FARP2: variants seen among roughly 807,000 people sequenced by gnomAD.
FARP2 encodes the protein FERM, ARH/RhoGEF and pleckstrin domain protein 2, also known as FERM, ARHGEF and pleckstrin domain-containing protein 2.
A neutral mutation model predicts 130.5 loss-of-function variants in FARP2; 111 were observed. The ratio of observed to expected loss-of-function variants is 0.85; its 90% CI spans 0.73 to 1.00. The LOEUF (loss-of-function observed/expected upper bound fraction) is 1.00. FARP2 is among the 50% of genes least tolerant of loss of function. FARP2 has a pLI of 0.00. For synonymous variants in FARP2, 504 were observed against 516.9 expected, an observed-to-expected ratio of 0.98 and a Z score of 0.34; for missense variants, 1,385 against 1,346.3, an observed-to-expected ratio of 1.03 and a Z score of -0.45.
intron 14 of FARP2, among the ~76,000 whole-genome samples, chr2:241,461,554 C>T (rs914400173): frequency 1.3e-5 from 2 of 152,236 alleles, no homozygotes; most frequent in Non-Finnish European, 2.9e-5. Flanking sequence ...CTGTGTCCCC[C>T]AGCCTCCAGC....
At chr2:241,427,040 G>C (rs1426258015) in intron 8 of FARP2, among the ~76,000 whole-genome samples, 1 of 152,130 alleles carries the variant, frequency 6.6e-6, no homozygotes, top group Non-Finnish European at 1.5e-5. Flanking sequence ...TTCGAGACCA[G>C]CCTGGCCAAC....
At chr2:241,360,560 G>A (rs1157985009) in intron 1 of FARP2, among the ~76,000 whole-genome samples, 2 of 151,824 alleles carry the variant, frequency 1.3e-5, no homozygotes, top group African/African-American at 4.8e-5. Context: ...TGTATTCCCA[G>A]CTTCTCAGGA....
At chr2:241,358,182 C>CT (rs2061109257) in intron 1 of FARP2, among the ~76,000 whole-genome samples, 1 of 152,092 alleles carries the variant, frequency 6.6e-6, no homozygotes, top group Non-Finnish European at 1.5e-5. Context: ...GAGCGAGACT[C>CT]TGTCTCAAAA....
intron 9 of FARP2, among the ~76,000 whole-genome samples, chr2:241,432,711 A>AG (rs1559763858): frequency 2.0e-5 from 3 of 152,378 alleles, no homozygotes; most frequent in Admixed American, 2.0e-4. Context: ...ATGCCTGTGC[A>AG]GTGTATTTGG....
intron 22 of FARP2, 82 bp from the exon 23 acceptor site, chr2:241,490,979 C>T (rs1001082165): frequency 2.9e-6 from 3 of 1,030,492 alleles, no homozygotes; most frequent in East Asian, 2.4e-5. Context: ...GAACAGGTGC[C>T]CTGACGGCTC....
chr2:241,456,759 A>G lies in FARP2; in HGVS notation c.1424A>G (p.Lys475Arg). 1 of 1,614,022 alleles carries G rather than the reference A, an allele frequency of 6.2e-7. No homozygotes were observed. Among genetic ancestry groups the G allele is most frequent in the Non-Finnish European group, 8.5e-7 (1 of 1,179,970 alleles). ...CGTTCATTTCCAGGCCTTTCCACGAAGAGTCCTCAGCCTTCTCCCTCCAGC... is the reference window on the plus strand; with the variant it reads ...CGTTCATTTCCAGGCCTTTCCACGAGGAGTCCTCAGCCTTCTCCCTCCAGC... The part of the protein sequence containing the change: ...ALQPGPGLST[K>R]SPQPSPSSRK... The change falls in exon 14 of 27, where the codon AAG becomes AGG. Residue 475 changes from lysine (K) to arginine (R), a missense_variant. Transcript: ENST00000264042.
chr2:241,391,760 T>C (rs1326952787), intron 2 of FARP2, among the ~76,000 whole-genome samples: 1 of 152,142 alleles, frequency 6.6e-6, no homozygotes, highest in African/African-American at 2.4e-5. Flanking sequence ...TGGATTTGGC[T>C]TTTTTTCTCC....
At chr2:241,427,698 G>A (rs1574803364) in intron 8 of FARP2, among the ~76,000 whole-genome samples, 1 of 152,082 alleles carries the variant, frequency 6.6e-6, no homozygotes, top group Admixed American at 6.6e-5. Context: ...GTTATTTGGG[G>A]GCCTCTGAGC....
In FARP2 at chr2:241,491,102, C is replaced by G; in HGVS notation, c.2546C>G (p.Ser849Cys). 2 of 1,613,518 alleles carry G rather than the reference C, an allele frequency of 1.2e-6. No individual in the cohort carries two copies. The highest frequency in any genetic ancestry group is 1.7e-6 in the Non-Finnish European group (2 of 1,179,992). The change falls in exon 23 of 27, where the codon TCC becomes TGC. Residue 849 changes from serine (S) to cysteine (C), a missense_variant. By Grantham distance (112) the Ser-to-Cys change is moderately radical. Transcript: ENST00000264042. ...EKEKWMLDLN[S>C]AIQAAKSGGD... ...GAGAAGTGGATGCTGGACCTGAACT[C>G]CGCGATCCAAGCAGCCAAGAGTGGC... is the stretch of plus-strand genomic sequence containing the variant.
At chr2:241,359,241 C>A (rs1053454734) in intron 1 of FARP2, among the ~76,000 whole-genome samples, 1 of 152,168 alleles carries the variant, frequency 6.6e-6, no homozygotes, top group African/African-American at 2.4e-5. Flanking sequence ...TTCCCCTAAA[C>A]TGGTGTTTTA....
At position 241,356,309 on chromosome 2, in the gene FARP2, C is replaced by T. The variant is rs982788395; in HGVS notation, c.-104C>T. 2 of 152,366 alleles carry T rather than the reference C, an allele frequency of 1.3e-5. No individual in the cohort carries two copies. Among genetic ancestry groups the T allele is most frequent in the African/African-American group, 4.8e-5 (2 of 41,412 alleles). 9.4% of individuals were successfully genotyped at this position (152,366 alleles called of 1,614,324 possible). A position where few individuals can be genotyped will look rare whatever the true frequency, so the allele number is the denominator to read the frequency against. On this transcript the variant is annotated 5_prime_UTR_variant, in exon 1 of 27. Coordinates refer to ENST00000264042, the MANE Select transcript of FARP2 (RefSeq NM_014808.4). ...CAGTTGGGAGCAGGCGACGCCGACG[C>T]GAGTCTGGCGGCTGCTGCTTGCGAC... is the stretch of plus-strand genomic sequence containing the variant.
intron 26 of FARP2, chr2:241,493,682 C>T (rs1310239859): frequency 5.4e-6 from 3 of 551,194 alleles, no homozygotes; most frequent in Admixed American, 3.1e-5. Context: ...ATAACCTGCA[C>T]CTCCAGGGTT....
In FARP2 at chr2:241,427,317, C is replaced by T. The variant is rs560931293; in HGVS notation, c.772-4362C>T. Among the ~76,000 whole-genome samples, 135 of 152,148 alleles carry T rather than the reference C, an allele frequency of 8.9e-4. 1 individual carries two copies. Among genetic ancestry groups the T allele is most frequent in the African/African-American group, 2.9e-3 (121 of 41,526 alleles). ...AACACAGTACAGTAAAACTATGTGA[C>T]GTTTACATTGTATTAGGTACATAAG... On this transcript the variant is annotated intron_variant, in intron 8 of 26. Transcript: ENST00000264042.
intron 2 of FARP2, among the ~76,000 whole-genome samples, chr2:241,390,713 A>G (rs944753142): frequency 9.2e-5 from 14 of 151,418 alleles, no homozygotes; most frequent in African/African-American, 3.4e-4. Context: ...ATTAATTTTT[A>G]TACAAAGGCA....
At chr2:241,473,632 C>T (rs1574894258) in intron 18 of FARP2, among the ~76,000 whole-genome samples, 1 of 152,180 alleles carries the variant, frequency 6.6e-6, no homozygotes, top group Non-Finnish European at 1.5e-5. Context: ...CATTTGAGGG[C>T]AGGGTGGCAC....
chr2:241,366,135 A>ACG (rs2061314109), intron 1 of FARP2, among the ~76,000 whole-genome samples: 21 of 140,772 alleles, frequency 1.5e-4, no homozygotes, highest in East Asian at 1.0e-3. Context: ...ATATATATAT[A>ACG]TATACACACA....
At chr2:241,481,674 T>G (rs1019808467) in intron 19 of FARP2, among the ~76,000 whole-genome samples, 14 of 152,210 alleles carry the variant, frequency 9.2e-5, no homozygotes, top group Non-Finnish European at 1.5e-5. Context: ...TTATTTCTCC[T>G]AGTAACCTCT....
At chr2:241,369,727 C>T (rs2061385017) in intron 1 of FARP2, among the ~76,000 whole-genome samples, 2 of 152,144 alleles carry the variant, frequency 1.3e-5, no homozygotes, top group South Asian at 4.1e-4. Flanking sequence ...TGTAGCATTA[C>T]TTAAGGGAAA....
Position 241,413,298 on chromosome 2 carries a change from C to T in FARP2, c.509-9C>T. On this transcript the variant is annotated splice_polypyrimidine_tract_variant and intron_variant, in intron 6 of 26. Coordinates refer to ENST00000264042, the MANE Select transcript of FARP2 (RefSeq NM_014808.4). ...TAAAAATTAGTTACTTACTTTTAACCTATCTCAGCGGAAATAGGAGATTAC... is the reference window on the plus strand; with the variant it reads ...TAAAAATTAGTTACTTACTTTTAACTTATCTCAGCGGAAATAGGAGATTAC... 6.4e-7 allele frequency: 1 copy of T among 1,567,778 alleles called. No individual in the cohort carries two copies. The highest frequency in any genetic ancestry group is 8.7e-7 in the Non-Finnish European group (1 of 1,146,246).
Sources: allele counts gnomAD v4.1 joint callset (sites outside exome capture counted in the v4.1 genomes callset), GRCh38; gene constraint gnomAD v4.1.1; transcripts MANE v1.5; gene names NCBI Gene and HGNC (gene_info 2026-07-23, HGNC 2026-07-21).